Variants in TBC1D30 observed in about 807,000 individuals in gnomAD.
TBC1D30 encodes the protein TBC1 domain family, member 30.
A neutral mutation model predicts 63.2 loss-of-function variants in TBC1D30; 31 were observed. The observed-to-expected ratio is 0.49, with a 90% CI of 0.37 to 0.66. The LOEUF is 0.66. Ranked by LOEUF, TBC1D30 falls within the 30% of genes least tolerant of loss-of-function variation. The pLI is 0.00. For synonymous variants in TBC1D30, 307 were observed against 361.5 expected, an observed-to-expected ratio of 0.85 and a Z score of 1.71; for missense variants, 810 against 953.6, an observed-to-expected ratio of 0.85 and a Z score of 1.98.
At position 64,875,838 on chromosome 12, in the gene TBC1D30, G is replaced by C; in HGVS notation, c.*50G>C. The C allele has an allele frequency of 6.9e-7, 1 of 1,458,290 alleles. No individual in the cohort carries two copies. 90.3% of individuals were successfully genotyped at this position (1,458,290 alleles called of 1,614,324 possible). A position where few individuals can be genotyped will look rare whatever the true frequency, so the allele number is the denominator to read the frequency against. ...GACTCACCTTTTCACAGTAGTATAA[G>C]GGTTGCAGCTGAATGGCTCTAAAAG... On this transcript the variant is annotated 3_prime_UTR_variant, in exon 12 of 12. Transcript: ENST00000539867.
intron 1 of TBC1D30, chr12:64,768,588 T>C (rs1870798858): frequency 6.6e-6 from 1 of 152,194 alleles, no homozygotes; most frequent in Non-Finnish European, 1.5e-5. Context: ...TCTCCCACTT[T>C]TGCCTCCACA....
intron 5 of TBC1D30, among the ~76,000 whole-genome samples, chr12:64,835,668 C>T (rs758496595): frequency 6.6e-6 from 1 of 152,090 alleles, no homozygotes; most frequent in Non-Finnish European, 1.5e-5. Flanking sequence ...TGATTCAATA[C>T]TATTATAACT....
chr12:64,844,557 G>T (rs1016440267), intron 8 of TBC1D30, among the ~76,000 whole-genome samples: 96 of 152,260 alleles, frequency 6.3e-4, no homozygotes, highest in African/African-American at 2.2e-3. Context: ...ATTTCTAAAT[G>T]TACAATTAAA....
intron 7 of TBC1D30, among the ~76,000 whole-genome samples, chr12:64,841,044 AG>A (rs1875823893): frequency 6.6e-6 from 1 of 152,164 alleles, no homozygotes; most frequent in Admixed American, 6.5e-5. Flanking sequence ...TTCCCCAGGA[AG>A]GTTAATTAGC....
rs551064102 is a variant in TBC1D30, at chr12:64,845,664, T to C, written c.1038+2179T>C. ...TGGCGTGAACCTGGGAGGCAGAGCT[T>C]GCAGTGAGCCGAGATCGTGCCACTG... On this transcript the variant is annotated intron_variant, in intron 8 of 11. Transcript: ENST00000539867. Among the ~76,000 whole-genome samples, 15 of 150,674 alleles carry C rather than the reference T, an allele frequency of 1.0e-4. 1 individual carries two copies. Among genetic ancestry groups the C allele is most frequent in the African/African-American group, 2.9e-4 (12 of 40,908 alleles).
At chr12:64,870,519 A>G in intron 10 of TBC1D30, 83 bp from the exon 11 acceptor site, 1 of 1,099,376 alleles carries the variant, frequency 9.1e-7, no homozygotes. Flanking sequence ...AAGATACCGC[A>G]CTGAGTTGTA....
At chr12:64,767,558 C>A (rs1194500641) in intron 1 of TBC1D30, among the ~76,000 whole-genome samples, 1 of 152,032 alleles carries the variant, frequency 6.6e-6, no homozygotes, top group African/African-American at 2.4e-5. Flanking sequence ...ACAGAATGAA[C>A]AACAAAAGAC....
At position 64,870,593 on chromosome 12, in the gene TBC1D30, C is replaced by T. The variant is rs556185060; in HGVS notation, c.1292-9C>T. 1.3e-5 allele frequency: 20 copies of T among 1,535,782 alleles called. No homozygotes were observed. Among genetic ancestry groups the T allele is most frequent in the Admixed American group, 9.8e-5 (5 of 50,986 alleles). Reference sequence around the variant, plus strand: ...GACCATCTCCTTATGTCTCATCCTTCGAGCGCAGAGCCAAATGAGGAGCAG... The same window carrying T: ...GACCATCTCCTTATGTCTCATCCTTTGAGCGCAGAGCCAAATGAGGAGCAG... On this transcript the variant is annotated splice_polypyrimidine_tract_variant and intron_variant, in intron 10 of 11. Transcript: ENST00000539867.
intron 8 of TBC1D30, among the ~76,000 whole-genome samples, chr12:64,858,687 G>A (rs550582799): frequency 6.6e-6 from 1 of 152,206 alleles, no homozygotes; most frequent in Admixed American, 6.5e-5. Flanking sequence ...TACTAACCAC[G>A]GTAAATAAAA....
intron 1 of TBC1D30, among the ~76,000 whole-genome samples, chr12:64,770,059 C>T (rs1185212041): frequency 6.6e-6 from 1 of 152,106 alleles, no homozygotes; most frequent in African/African-American, 2.4e-5. Context: ...CACCGTATCT[C>T]TAATTATAAG....
In TBC1D30 at chr12:64,810,416, A is replaced by G. The variant is rs555391971; in HGVS notation, c.644-17419A>G. On this transcript the variant is annotated intron_variant, in intron 2 of 12. Coordinates refer to the TBC1D30 transcript ENST00000542120. ...TCAGGAGTTTGAGGCCAGCCTGGCCAACATGGCAAAACCCCGTCTCTACTA... is the reference window on the plus strand; with the variant it reads ...TCAGGAGTTTGAGGCCAGCCTGGCCGACATGGCAAAACCCCGTCTCTACTA... Among the ~76,000 whole-genome samples the G allele has an allele frequency of 3.2e-4, 49 of 152,342 alleles. No individual in the cohort carries two copies. The South Asian group carries it at 4.3e-3, about 14-fold the overall frequency.
intron 5 of TBC1D30, among the ~76,000 whole-genome samples, chr12:64,835,705 C>T (rs1017222419): frequency 6.6e-6 from 1 of 152,076 alleles, no homozygotes; most frequent in African/African-American, 2.4e-5. Flanking sequence ...TCTCCGATTC[C>T]ACTGTACAAA....
At chr12:64,843,523 C>T (rs949015254) in intron 8 of TBC1D30, 38 bp downstream of exon 8, 1 of 1,495,880 alleles carries the variant, frequency 6.7e-7, no homozygotes, top group South Asian at 1.2e-5. Flanking sequence ...CTCGGGGAAC[C>T]CCGGGCACGG....
intron 1 of TBC1D30, among the ~76,000 whole-genome samples, chr12:64,760,114 C>T (rs933177438): frequency 6.6e-6 from 1 of 152,196 alleles, no homozygotes; most frequent in Non-Finnish European, 1.5e-5. Context: ...ACTTTTTAAA[C>T]ACCCTCTTGG....
At position 64,880,550 on chromosome 12, in the gene TBC1D30, G is replaced by C. The variant is rs1276960189; in HGVS notation, c.*4762G>C. The stretch of plus-strand genomic sequence containing the variant: ...TTTTGGTCTCTTCCTCTTCTGATAA[G>C]GGCACTAACCTCATCATGAGGGTCC... On this transcript the variant is annotated 3_prime_UTR_variant, in exon 12 of 12. Transcript: ENST00000539867. 1 of 152,204 alleles carries C rather than the reference G, an allele frequency of 6.6e-6. No individual in the cohort carries two copies. The highest frequency in any genetic ancestry group is 1.5e-5 in the Non-Finnish European group (1 of 68,066). 9.4% of individuals were successfully genotyped at this position (152,204 alleles called of 1,614,324 possible). A position where few individuals can be genotyped will look rare whatever the true frequency, so the allele number is the denominator to read the frequency against.
chr12:64,825,174 A>T, intron 1 of TBC1D30, 141 bp downstream of exon 1: 1 of 1,262,262 alleles, frequency 7.9e-7, no homozygotes, highest in Non-Finnish European at 1.1e-6. Flanking sequence ...CCGCGTTGGC[A>T]CCTGCAGGGA....
intron 7 of TBC1D30, among the ~76,000 whole-genome samples, chr12:64,840,238 A>G (rs1450429337): frequency 6.6e-6 from 1 of 151,846 alleles, no homozygotes; most frequent in Non-Finnish European, 1.5e-5. Flanking sequence ...TTTCCAACTT[A>G]CTCTATACAT....
At chr12:64,870,517 G>A (rs777987566) in intron 10 of TBC1D30, 85 bp from the exon 11 acceptor site, 15 of 1,071,832 alleles carry the variant, frequency 1.4e-5, no homozygotes, top group Middle Eastern at 2.2e-4. Flanking sequence ...TTAAGATACC[G>A]CACTGAGTTG....
At chr12:64,832,082 G>C in intron 4 of TBC1D30, 37 bp from the exon 5 acceptor site, 1 of 1,479,892 alleles carries the variant, frequency 6.8e-7, no homozygotes, top group Non-Finnish European at 9.0e-7. Flanking sequence ...AGAATATTAG[G>C]AGTTATTTTT....
Sources: gnomAD v4.1 joint callset for allele counts (sites outside exome capture counted in the v4.1 genomes callset) on GRCh38, gnomAD v4.1.1 for gene constraint, MANE v1.5 for transcripts, NCBI Gene and HGNC (gene_info 2026-07-23, HGNC 2026-07-21) for gene names.